MYO3A: variants seen among roughly 807,000 people sequenced by gnomAD.
The protein encoded by MYO3A is myosin-IIIa.
A neutral mutation model predicts 192.7 loss-of-function variants in MYO3A; 180 were observed. The observed-to-expected ratio is 0.93, with a 90% CI of 0.83 to 1.06. MYO3A has a LOEUF of 1.06. Ranked by LOEUF, MYO3A falls within the 50% of genes least tolerant of loss-of-function variation. The pLI, the probability that MYO3A is intolerant of heterozygous loss-of-function variation, is 0.00. For missense variants in MYO3A, 1,896 were observed against 1,905.0 expected (o/e 1.00, Z 0.09); for synonymous variants, 628 against 645.3 (o/e 0.97, Z 0.41).
chr10:26,174,259 A>C lies in MYO3A; in HGVS notation c.3995A>C (p.Lys1332Thr), dbSNP rs1202754894. 1.9e-6 allele frequency: 3 copies of C among 1,613,974 alleles called. No individual in the cohort carries two copies. The African/African-American group carries it at 4.0e-5, about 22-fold the overall frequency. Residue 1332 changes from lysine to threonine, a missense_variant, in exon 30 of 35, where the codon AAA becomes ACA. Transcript: ENST00000642920. ...GGCCGTCTGAGGCATGAGACAGTCAAAGAGAGGCAAGTTGAACCAGTGACA... is the reference window on the plus strand; with the variant it reads ...GGCCGTCTGAGGCATGAGACAGTCACAGAGAGGCAAGTTGAACCAGTGACA... The part of the protein sequence containing the change: ...GRGRLRHETV[K>T]ERQVEPVTQA...
At chr10:25,974,370 G>A (rs1235081541) in intron 4 of MYO3A, among the ~76,000 whole-genome samples, 1 of 152,160 alleles carries the variant, frequency 6.6e-6, no homozygotes, top group African/African-American at 2.4e-5. Context: ...TTGCTCTCAT[G>A]GAGTTACCAG....
chr10:25,964,285 A>C (rs1027759035), intron 4 of MYO3A, among the ~76,000 whole-genome samples: 2 of 152,192 alleles, frequency 1.3e-5, no homozygotes, highest in African/African-American at 4.8e-5. Flanking sequence ...TTGGAAAAGG[A>C]ATGTGAAAAT....
At chr10:26,179,022 C>T (rs891416556) in intron 31 of MYO3A, among the ~76,000 whole-genome samples, 4 of 150,622 alleles carry the variant, frequency 2.7e-5, no homozygotes, top group South Asian at 4.2e-4. Flanking sequence ...AGGGTGGTCT[C>T]GATCCGACCC....
chr10:26,096,040 T>G (rs1444048274), intron 15 of MYO3A, among the ~76,000 whole-genome samples: 1 of 152,188 alleles, frequency 6.6e-6, no homozygotes, highest in African/African-American at 2.4e-5. Flanking sequence ...GTATACATTA[T>G]TCTTTTTCTG....
intron 20 of MYO3A, among the ~76,000 whole-genome samples, chr10:26,128,792 T>C (rs1267473129): frequency 6.6e-6 from 1 of 152,240 alleles, no homozygotes; most frequent in Non-Finnish European, 1.5e-5. Flanking sequence ...CTTAGAATTC[T>C]GAGCCTTTGT....
At chr10:26,023,955 G>T in intron 8 of MYO3A, 67 bp from the exon 9 acceptor site, 1 of 1,395,500 alleles carries the variant, frequency 7.2e-7, no homozygotes, top group South Asian at 1.2e-5. Flanking sequence ...AGTCTATCTG[G>T]CTCTGCCTCT....
At chr10:26,060,286 TA>T (rs1437601673) in intron 10 of MYO3A, among the ~76,000 whole-genome samples, 3 of 113,440 alleles carry the variant, frequency 2.6e-5, no homozygotes, top group Non-Finnish European at 6.4e-5. Flanking sequence ...AATACATACA[TA>T]AATAAATAAA....
intron 17 of MYO3A, among the ~76,000 whole-genome samples, chr10:26,118,659 T>C (rs1229856383): frequency 1.3e-5 from 2 of 151,874 alleles, no homozygotes; most frequent in African/African-American, 4.8e-5. Context: ...TGTGTCCCAG[T>C]CTCACTCTGT....
At chr10:26,171,870 G>A (rs1842062567) in intron 29 of MYO3A, among the ~76,000 whole-genome samples, 1 of 152,186 alleles carries the variant, frequency 6.6e-6, no homozygotes, top group Non-Finnish European at 1.5e-5. Context: ...ATAAGGAAGT[G>A]TGATGTTCAA....
chr10:25,991,082 C>T (rs1430388935), intron 4 of MYO3A, among the ~76,000 whole-genome samples: 1 of 152,176 alleles, frequency 6.6e-6, no homozygotes, highest in African/African-American at 2.4e-5. Flanking sequence ...CCTGAGGAAT[C>T]ACCACACTAT....
At chr10:25,937,800 T>C (rs1319000855) in intron 2 of MYO3A, among the ~76,000 whole-genome samples, 1 of 152,210 alleles carries the variant, frequency 6.6e-6, no homozygotes, top group African/African-American at 2.4e-5. Flanking sequence ...TGCAAAACAT[T>C]TTTAAGCAAA....
At chr10:25,988,169 C>G (rs112221366) in intron 4 of MYO3A, among the ~76,000 whole-genome samples, 6,566 of 152,028 alleles carry the variant, frequency 0.043, 180 homozygotes, top group Middle Eastern at 0.068. Flanking sequence ...TATGAGGACA[C>G]AAAGGCGTAA....
intron 4 of MYO3A, among the ~76,000 whole-genome samples, chr10:25,962,457 T>C (rs1837992425): frequency 6.6e-6 from 1 of 152,174 alleles, no homozygotes; most frequent in Non-Finnish European, 1.5e-5. Flanking sequence ...ATTTAGTTTT[T>C]TATAGAACAT....
chr10:26,181,325 A>T (rs1842608356), intron 31 of MYO3A, among the ~76,000 whole-genome samples: 1 of 152,210 alleles, frequency 6.6e-6, no homozygotes, highest in African/African-American at 2.4e-5. Flanking sequence ...AGGACAAACT[A>T]TAAGAAGTAA....
intron 18 of MYO3A, among the ~76,000 whole-genome samples, chr10:26,123,851 A>G (rs1223118565): frequency 6.6e-6 from 1 of 152,078 alleles, no homozygotes; most frequent in East Asian, 1.9e-4. Flanking sequence ...GCGTGAACCC[A>G]GGAGGCGGAG....
At chr10:25,940,886 A>G (rs1836447288) in intron 2 of MYO3A, among the ~76,000 whole-genome samples, 1 of 152,134 alleles carries the variant, frequency 6.6e-6, no homozygotes, top group African/African-American at 2.4e-5. Context: ...TCATTGTGGT[A>G]TATATAAGTG....
At chr10:26,082,285 T>C (rs1055851811) in intron 14 of MYO3A, among the ~76,000 whole-genome samples, 19 of 152,354 alleles carry the variant, frequency 1.2e-4, no homozygotes, top group Non-Finnish European at 2.6e-4. Context: ...TAGTTTTCAG[T>C]GTACAGATCT....
intron 17 of MYO3A, among the ~76,000 whole-genome samples, chr10:26,110,192 C>A (rs1170256333): frequency 6.6e-6 from 1 of 152,134 alleles, no homozygotes; most frequent in African/African-American, 2.4e-5. Flanking sequence ...GATTCATGGA[C>A]CCTACCTGGA....
intron 12 of MYO3A, 75 bp downstream of exon 12, chr10:26,068,959 A>C: frequency 2.0e-6 from 2 of 1,008,718 alleles, no homozygotes; most frequent in Non-Finnish European, 1.5e-6. Context: ...AATTTAAATG[A>C]ATGCCAGAAA....
Sources: gnomAD v4.1 joint callset for allele counts (sites outside exome capture counted in the v4.1 genomes callset) on GRCh38, gnomAD v4.1.1 for gene constraint, MANE v1.5 for transcripts, NCBI Gene and HGNC (gene_info 2026-07-23, HGNC 2026-07-21) for gene names.